IQGAP2: variants seen among roughly 807,000 people sequenced by gnomAD.
The protein encoded by IQGAP2 is ras GTPase-activating-like protein IQGAP2.
In IQGAP2, 173 loss-of-function variants were observed where a neutral mutation model predicts 201.3. That is an observed-to-expected ratio of 0.86 (90% confidence interval 0.76 to 0.98). The LOEUF (loss-of-function observed/expected upper bound fraction) is 0.98, where lower values mean the gene tolerates loss of function less well. Ranked by LOEUF, IQGAP2 falls within the 50% of genes least tolerant of loss-of-function variation. The probability of loss-of-function intolerance (pLI) is 0.00; values close to 1 mark genes in which losing one functional copy is unlikely to be tolerated. For missense variants in IQGAP2, 1,687 were observed against 1,864.8 expected, an observed-to-expected ratio of 0.90 and a Z score of 1.76; for synonymous variants, 675 against 673.9, an observed-to-expected ratio of 1.00 and a Z score of -0.03.
chr5:76,633,897 A>G (rs1197324449), intron 15 of IQGAP2, among the ~76,000 whole-genome samples: 1 of 152,128 alleles, frequency 6.6e-6, no homozygotes, highest in Non-Finnish European at 1.5e-5. Context: ...TTGTATGAAT[A>G]TGCCACATTT....
chr5:76,672,276 C>T (rs189669287), intron 24 of IQGAP2, among the ~76,000 whole-genome samples: 61 of 151,940 alleles, frequency 4.0e-4, no homozygotes, highest in African/African-American at 1.4e-3. Context: ...TCTCTCTTCA[C>T]CTGATAATAC....
chr5:76,635,756 G>A (rs989938274), intron 15 of IQGAP2, among the ~76,000 whole-genome samples: 1 of 146,586 alleles, frequency 6.8e-6, no homozygotes, highest in Non-Finnish European at 1.5e-5. Flanking sequence ...TGAGCCTGGG[G>A]AGGTTGAGGC....
At chr5:76,670,655 G>A (rs1744231953) in intron 23 of IQGAP2, among the ~76,000 whole-genome samples, 1 of 152,154 alleles carries the variant, frequency 6.6e-6, no homozygotes, top group Admixed American at 6.5e-5. Flanking sequence ...GAGAGAAAGT[G>A]GTCAAAAGAG....
At chr5:76,441,410 C>T in intron 1 of IQGAP2, 1 of 705,668 alleles carries the variant, frequency 1.4e-6, no homozygotes, top group Non-Finnish European at 1.7e-6. Flanking sequence ...GAATTAACTA[C>T]CTAAAGTACC....
In IQGAP2 at chr5:76,431,928, A is replaced by G. The variant is rs184920727; in HGVS notation, c.46+28337A>G. ...CTGGAATGTGTGGTGATTCCAAATG[A>G]TCTTTTTATAATGGTTTTAATAGAA... On this transcript the variant is annotated intron_variant, in intron 1 of 35. Transcript: ENST00000274364. Among the ~76,000 whole-genome samples the G allele has an allele frequency of 7.3e-3, 1,112 of 151,700 alleles. 6 individuals are homozygous for G. Among genetic ancestry groups the G allele is most frequent in the Middle Eastern group, 0.017 (5 of 292 alleles).
intron 2 of IQGAP2, among the ~76,000 whole-genome samples, chr5:76,539,676 A>G (rs568091076): frequency 2.0e-5 from 3 of 152,216 alleles, no homozygotes; most frequent in African/African-American, 7.2e-5. Flanking sequence ...TTGCATGGGA[A>G]GAGGGGCTGT....
At chr5:76,462,902 C>T (rs759790816) in intron 2 of IQGAP2, among the ~76,000 whole-genome samples, 1 of 151,952 alleles carries the variant, frequency 6.6e-6, no homozygotes, top group East Asian at 1.9e-4. Flanking sequence ...AGGATGCTAG[C>T]GATTCACTAT....
chr5:76,587,680 C>T (rs956501553), intron 5 of IQGAP2, among the ~76,000 whole-genome samples: 1 of 152,006 alleles, frequency 6.6e-6, no homozygotes, highest in African/African-American at 2.4e-5. Context: ...TGGCCAGACA[C>T]GATGGCTCAT....
At chr5:76,603,914 C>T (rs1747607991) in intron 11 of IQGAP2, among the ~76,000 whole-genome samples, 2 of 152,188 alleles carry the variant, frequency 1.3e-5, no homozygotes, top group South Asian at 4.2e-4. Context: ...TTGGTAACTT[C>T]AGTACTGGAG....
chr5:76,684,998 C>CT (rs1364064138), intron 30 of IQGAP2, among the ~76,000 whole-genome samples: 1 of 152,178 alleles, frequency 6.6e-6, no homozygotes, highest in Non-Finnish European at 1.5e-5. Context: ...ACTACCTACT[C>CT]TGTGTTCATG....
chr5:76,449,341 G>T (rs748274175), intron 1 of IQGAP2, among the ~76,000 whole-genome samples: 31 of 151,898 alleles, frequency 2.0e-4, no homozygotes, highest in African/African-American at 7.5e-4. Context: ...TCCCTCCCTC[G>T]GCTTTTCTAT....
At position 76,668,742 on chromosome 5, in the gene IQGAP2, T is replaced by G. The variant is rs146422169; in HGVS notation, c.2741T>G (p.Phe914Cys). The G allele has an allele frequency of 6.2e-7, 1 of 1,611,712 alleles. No homozygotes were observed. Among genetic ancestry groups the G allele is most frequent in the Non-Finnish European group, 8.5e-7 (1 of 1,178,506 alleles). ...ATGCCACAGAACAAGTCCACTAAAT[T>G]TATGGATACTGTTATTTTCACACTA... ...FQMPQNKSTK[F>C]MDTVIFTLYN... is the part of the protein sequence containing the mutation. Residue 914 changes from phenylalanine to cysteine, a missense_variant, in exon 23 of 36, where the codon TTT becomes TGT. Physicochemically the swap from Phe to Cys is radical, Grantham distance 205. Coordinates refer to ENST00000274364, the MANE Select transcript of IQGAP2 (RefSeq NM_006633.5).
rs141611573 is a variant in IQGAP2 at position 76,512,208 on chromosome 5, CA to C, written c.147-50187del. On this transcript the variant is annotated intron_variant, in intron 2 of 35. Transcript: ENST00000274364. ...TGGAGCTTGATTATTAGCCAAAATA[CA>C]GAATTTACTATTAAAGAAGAGGGTC... Among the ~76,000 whole-genome samples, 1,269 of 152,234 alleles carry C rather than the reference CA, an allele frequency of 8.3e-3. 18 individuals are homozygous for C. The highest frequency in any genetic ancestry group is 0.029 in the African/African-American group (1,203 of 41,538).
chr5:76,553,517 CTCCACAAAACAACTT>C (rs1743705718), intron 2 of IQGAP2, among the ~76,000 whole-genome samples: 2 of 152,198 alleles, frequency 1.3e-5, no homozygotes, highest in South Asian at 4.1e-4. Context: ...TAGCAAATGC[CTCCACAAAACAACTT>C]TCGTATGTTC....
At chr5:76,429,030 G>T (rs564183152) in intron 1 of IQGAP2, among the ~76,000 whole-genome samples, 1 of 147,382 alleles carries the variant, frequency 6.8e-6, no homozygotes, top group African/African-American at 2.5e-5. Flanking sequence ...AGTGAGCCAA[G>T]ATTGTGCCAT....
At position 76,707,878 on chromosome 5, in the gene IQGAP2, T is replaced by C. The variant is rs1366496642; in HGVS notation, c.*565T>C. ...ACTTTCTGTATAAAAGTATATATTT[T>C]ATGTGATTTATTCCTACTAAATGAA... On this transcript the variant is annotated 3_prime_UTR_variant, in exon 36 of 36. Transcript: ENST00000274364. The C allele has an allele frequency of 1.3e-5, 2 of 152,754 alleles. No individual in the cohort carries two copies. The highest frequency in any genetic ancestry group is 2.4e-5 in the African/African-American group (1 of 41,460). The allele number at this position is 152,754 out of a possible 1,614,324, so 9.5% of individuals were successfully genotyped here.
intron 2 of IQGAP2, among the ~76,000 whole-genome samples, chr5:76,537,765 T>C (rs1759712126): frequency 6.6e-6 from 1 of 152,204 alleles, no homozygotes; most frequent in South Asian, 2.1e-4. Flanking sequence ...TCTTTGATCT[T>C]CTATCAACAT....
chr5:76,459,086 A>G (rs981220254), intron 1 of IQGAP2, among the ~76,000 whole-genome samples: 21 of 152,318 alleles, frequency 1.4e-4, no homozygotes, highest in African/African-American at 5.1e-4. Flanking sequence ...GATGGGGTCA[A>G]TATGTTGCAA....
chr5:76,475,007 C>T (rs559524696), intron 2 of IQGAP2, among the ~76,000 whole-genome samples: 5 of 152,286 alleles, frequency 3.3e-5, no homozygotes, highest in East Asian at 3.9e-4. Flanking sequence ...CCACCGCGTC[C>T]GGCTGAGGTC....
Sources: allele counts gnomAD v4.1 joint callset (sites outside exome capture counted in the v4.1 genomes callset), GRCh38; gene constraint gnomAD v4.1.1; transcripts MANE v1.5; gene names NCBI Gene and HGNC (gene_info 2026-07-23, HGNC 2026-07-21).